The following COX8A variants were observed in gnomAD, a reference collection of about 807,000 sequenced individuals.
COX8A encodes the protein cytochrome c oxidase subunit 8A, mitochondrial.
COX8A carries 6 observed loss-of-function variants against 4.4 expected under a neutral mutation model. The observed-to-expected ratio is 1.36, with a 90% confidence interval of 0.74 to 2.68. COX8A has a LOEUF of 2.68. COX8A is among the 30% of genes most tolerant of loss of function. COX8A has a pLI of 0.00. For synonymous variants in COX8A, 53 were observed against 47.1 expected (o/e 1.12, Z -0.51); for missense variants, 72 against 89.6 (o/e 0.80, Z 0.79).
In COX8A at chr11:63,976,281, G is replaced by T. The variant is rs146388741; in HGVS notation, c.171G>T (p.Trp57Cys). 5.0e-6 allele frequency: 8 copies of T among 1,614,060 alleles called. No individual in the cohort carries two copies. In the Admixed American group the frequency reaches 5.0e-5, roughly 10 times the overall value. ...TGACCTTCCTCCTGCCAGCGGGCTG[G>T]ATCCTGTCACACCTGGAGACCTACA... ...CFVTFLLPAG[W>C]ILSHLETYRR... The change falls in exon 2 of 2, where the codon TGG becomes TGT. Residue 57 changes from tryptophan to cysteine, a missense_variant. By Grantham distance (215) the Trp-to-Cys change is radical. Coordinates refer to ENST00000314133, the MANE Select transcript of COX8A (RefSeq NM_004074.3).
At chr11:63,974,955 G>T (rs912633003) in intron 1 of COX8A, among the ~76,000 whole-genome samples, 161 bp downstream of exon 1, 1 of 152,178 alleles carries the variant, frequency 6.6e-6, no homozygotes, top group African/African-American at 2.4e-5. Context: ...CGGGGACAGT[G>T]CCCGGGCGAC....
At chr11:63,975,061 C>T (rs1942527415) in intron 1 of COX8A, among the ~76,000 whole-genome samples, 1 of 152,216 alleles carries the variant, frequency 6.6e-6, no homozygotes, top group Non-Finnish European at 1.5e-5. Flanking sequence ...CCTCGCTGCG[C>T]CGCCTCCTGC....
intron 1 of COX8A, among the ~76,000 whole-genome samples, chr11:63,975,690 C>T (rs1489388144): frequency 1.3e-5 from 2 of 152,054 alleles, no homozygotes; most frequent in Non-Finnish European, 1.5e-5. Context: ...AAGCCATTCT[C>T]CTGCCTCAGT....
intron 1 of COX8A, among the ~76,000 whole-genome samples, chr11:63,975,871 T>TGC (rs1942535730): frequency 2.0e-5 from 3 of 152,192 alleles, no homozygotes; most frequent in African/African-American, 7.2e-5. Context: ...TGAGCCACCA[T>TGC]GCCCGGCCCA....
At chr11:63,976,166 C>G in intron 1 of COX8A, 59 bp from the exon 2 acceptor site, 1 of 1,523,328 alleles carries the variant, frequency 6.6e-7, no homozygotes, top group Non-Finnish European at 9.1e-7. Context: ...ACTGCAAGGA[C>G]TTAGAGAGCC....
At chr11:63,975,969 C>T (rs1349436443) in intron 1 of COX8A, among the ~76,000 whole-genome samples, 6 of 152,204 alleles carry the variant, frequency 3.9e-5, no homozygotes, top group African/African-American at 1.4e-4. Context: ...AACCCTAACC[C>T]CAGCTGTCTC....
intron 1 of COX8A, among the ~76,000 whole-genome samples, chr11:63,975,726 G>A (rs978714566): frequency 1.3e-5 from 2 of 151,294 alleles, no homozygotes; most frequent in Non-Finnish European, 2.9e-5. Context: ...GATCACAGGC[G>A]CCCGCCACCA....
rs1942542386 is a variant in COX8A at position 63,976,506 on chromosome 11, G to A, written c.*186G>A. Reference sequence around the variant, plus strand: ...TGGGGGTCACTGACCCTGCTTGGTGGGGTCCCCCTTGTAACAATAAAATCT... The same window carrying A: ...TGGGGGTCACTGACCCTGCTTGGTGAGGTCCCCCTTGTAACAATAAAATCT... On this transcript the variant is annotated 3_prime_UTR_variant, in exon 2 of 2. Coordinates refer to ENST00000314133, the MANE Select transcript of COX8A (RefSeq NM_004074.3). 1 of 597,676 alleles carries A rather than the reference G, an allele frequency of 1.7e-6. No homozygotes were observed. Among genetic ancestry groups the A allele is most frequent in the Non-Finnish European group, 3.0e-6 (1 of 334,852 alleles). The allele number at this position is 597,676 out of a possible 1,614,324, so 37.0% of individuals were successfully genotyped here.
At chr11:63,974,898 C>A in intron 1 of COX8A, 104 bp downstream of exon 1, 2 of 1,099,530 alleles carry the variant, frequency 1.8e-6, no homozygotes, top group Admixed American at 3.0e-5. Flanking sequence ...CGCAGCGTAG[C>A]GGGGAGCAGC....
chr11:63,975,868 CCA>C, intron 1 of COX8A, among the ~76,000 whole-genome samples: 3 of 152,224 alleles, frequency 2.0e-5, no homozygotes, highest in African/African-American at 7.2e-5. Context: ...GTGTGAGCCA[CCA>C]TGCCCGGCCC....
chr11:63,975,082 A>G (rs1426759978), intron 1 of COX8A, among the ~76,000 whole-genome samples: 1 of 151,684 alleles, frequency 6.6e-6, no homozygotes, highest in Non-Finnish European at 1.5e-5. Flanking sequence ...CGACTTCTTT[A>G]GCCGCTCTGA....
Position 63,974,623 on chromosome 11 carries a change from T to C in COX8A, c.-58T>C. ...AGAACTTCCGGCCAGCGCAGCCATT[T>C]TGGCTTCCTGACCTTGGGCTACGGC... On this transcript the variant is annotated 5_prime_UTR_variant, in exon 1 of 2. Coordinates refer to ENST00000314133, the MANE Select transcript of COX8A (RefSeq NM_004074.3). 1.3e-6 allele frequency: 2 copies of C among 1,513,734 alleles called. No individual in the cohort carries two copies. Among genetic ancestry groups the C allele is most frequent in the South Asian group, 1.2e-5 (1 of 83,920 alleles). 93.8% of individuals were successfully genotyped at this position (1,513,734 alleles called of 1,614,324 possible). A position where few individuals can be genotyped will look rare whatever the true frequency, so the allele number is the denominator to read the frequency against.
At position 63,974,743 on chromosome 11, in the gene COX8A, GCCGCGCGCCAAGAT is replaced by G; in HGVS notation, c.66_79del (p.Arg23PhefsTer53). On this transcript the variant is annotated frameshift_variant, in exon 1 of 2. Coordinates refer to ENST00000314133, the MANE Select transcript of COX8A (RefSeq NM_004074.3). LOFTEE classifies it high-confidence loss of function. Reference sequence around the variant, plus strand: ...CAGGCTCGGCCCGGCGGCTCCCAGTGCCGCGCGCCAAGATCCATTCGTTGCCGCCGGAGGGGAAG... The same window carrying G: ...CAGGCTCGGCCCGGCGGCTCCCAGTGCCATTCGTTGCCGCCGGAGGGGAAG... 6.2e-7 allele frequency: 1 copy of G among 1,608,182 alleles called. No homozygotes were observed. The highest frequency in any genetic ancestry group is 8.5e-7 in the Non-Finnish European group (1 of 1,177,684).
Position 63,976,266 on chromosome 11 carries a change from C to A in COX8A, c.156C>A (p.Leu52=), listed in dbSNP as rs1176768162. Residue 52 remains leucine (L), a synonymous_variant, in exon 2 of 2, where the codon CTC becomes CTA. Transcript: ENST00000314133. ...VGLTSCFVTF[L]LPAGWILSHL... is the part of the protein sequence containing the mutation. ...TTACCTCCTGCTTCGTGACCTTCCTCCTGCCAGCGGGCTGGATCCTGTCAC... is the reference window on the plus strand; with the variant it reads ...TTACCTCCTGCTTCGTGACCTTCCTACTGCCAGCGGGCTGGATCCTGTCAC... 1.2e-6 allele frequency: 2 copies of A among 1,614,090 alleles called. No individual in the cohort carries two copies. The highest frequency in any genetic ancestry group is 1.7e-5 in the Admixed American group (1 of 60,002).
In COX8A at chr11:63,974,791, C is replaced by A. The variant is rs61759492; in HGVS notation, c.111C>A (p.Ile37=). ...HSLPPEGKLG[I]MELAVGLTSC... ...TGCCGCCGGAGGGGAAGCTTGGGATCATGGTGAGGAACGGGCCTGGAAGAG... is the reference window on the plus strand; with the variant it reads ...TGCCGCCGGAGGGGAAGCTTGGGATAATGGTGAGGAACGGGCCTGGAAGAG... Residue 37 remains isoleucine, a synonymous_variant, in exon 1 of 2, where the codon ATC becomes ATA. Coordinates refer to ENST00000314133, the MANE Select transcript of COX8A (RefSeq NM_004074.3). The A allele has an allele frequency of 7.1e-3, 11,343 of 1,601,624 alleles. 43 individuals carry two copies. Among genetic ancestry groups the A allele is most frequent in the Non-Finnish European group, 8.6e-3 (10,048 of 1,173,840 alleles).
rs1297385707 is a variant in COX8A at position 63,974,853 on chromosome 11, C to G, written c.114+59C>G. 10 of 1,430,746 alleles carry G rather than the reference C, an allele frequency of 7.0e-6. No individual in the cohort carries two copies. In the Admixed American group the frequency reaches 2.2e-4, roughly 32 times the overall value. 88.6% of individuals were successfully genotyped at this position (1,430,746 alleles called of 1,614,324 possible). On this transcript the variant is annotated intron_variant, in intron 1 of 1. Coordinates refer to ENST00000314133, the MANE Select transcript of COX8A (RefSeq NM_004074.3). ...CCGTGGGCTGACCCCTTCTGCCTAG[C>G]TGACCTCAGGTGGTCCTGAGAATGC...
Position 63,974,625 on chromosome 11 carries a change from G to A in COX8A, c.-56G>A. 1 of 1,516,628 alleles carries A rather than the reference G, an allele frequency of 6.6e-7. No homozygotes were observed. The highest frequency in any genetic ancestry group is 9.0e-7 in the Non-Finnish European group (1 of 1,113,666). The allele number at this position is 1,516,628 out of a possible 1,614,324, so 93.9% of individuals were successfully genotyped here. A position where few individuals can be genotyped will look rare whatever the true frequency, so the allele number is the denominator to read the frequency against. ...AACTTCCGGCCAGCGCAGCCATTTT[G>A]GCTTCCTGACCTTGGGCTACGGCTG... On this transcript the variant is annotated 5_prime_UTR_variant, in exon 1 of 2. Coordinates refer to ENST00000314133, the MANE Select transcript of COX8A (RefSeq NM_004074.3).
chr11:63,976,414 C>A lies in COX8A; in HGVS notation c.*94C>A. The A allele has an allele frequency of 1.8e-6, 2 of 1,124,372 alleles. No individual in the cohort carries two copies. The highest frequency in any genetic ancestry group is 2.7e-6 in the Non-Finnish European group (2 of 746,248). 69.6% of individuals were successfully genotyped at this position (1,124,372 alleles called of 1,614,324 possible). A position where few individuals can be genotyped will look rare whatever the true frequency, so the allele number is the denominator to read the frequency against. ...CATTTGTGGCCGGCCTCCCCTGGAT[C>A]ATGTCATTCAATTCCAGTCACCTCT... On this transcript the variant is annotated 3_prime_UTR_variant, in exon 2 of 2. Coordinates refer to ENST00000314133, the MANE Select transcript of COX8A (RefSeq NM_004074.3).
rs770774195 is a variant in COX8A at position 63,976,329 on chromosome 11, G to A, written c.*9G>A. ...ACAGGAGGCCAGAGTGAAGGGGTCC[G>A]TTCTGTCCCTCACACTGTGACCTGA... On this transcript the variant is annotated 3_prime_UTR_variant, in exon 2 of 2. Coordinates refer to ENST00000314133, the MANE Select transcript of COX8A (RefSeq NM_004074.3). The A allele has an allele frequency of 4.3e-6, 7 of 1,612,862 alleles. No homozygotes were observed. The highest frequency in any genetic ancestry group is 4.5e-5 in the East Asian group (2 of 44,876).
Sources: allele counts gnomAD v4.1 joint callset (sites outside exome capture counted in the v4.1 genomes callset), GRCh38; gene constraint gnomAD v4.1.1; transcripts MANE v1.5; gene names NCBI Gene and HGNC (gene_info 2026-07-23, HGNC 2026-07-21).